CAD: variants seen among roughly 807,000 people sequenced by gnomAD.
CAD encodes carbamoyl-phosphate synthetase 2, aspartate transcarbamylase, and dihydroorotase, also known as multifunctional protein CAD.
A neutral mutation model predicts 237.2 loss-of-function variants in CAD; 81 were observed. The observed-to-expected ratio is 0.34, with a 90% CI of 0.29 to 0.41. The LOEUF is 0.41. CAD is among the 10% of genes least tolerant of loss of function. CAD has a pLI of 1.00. For synonymous variants in CAD, 1,196 were observed against 1,162.8 expected, an observed-to-expected ratio of 1.03 and a Z score of -0.58; for missense variants, 2,181 against 2,951.7, an observed-to-expected ratio of 0.74 and a Z score of 6.05.
At chr2:27,220,353 A>G (rs1675094792) in intron 2 of CAD, among the ~76,000 whole-genome samples, 1 of 152,128 alleles carries the variant, frequency 6.6e-6, no homozygotes, top group South Asian at 2.1e-4. Context: ...AGTTTTAGAT[A>G]AAGGAAGAAA....
chr2:27,229,862 G>A (rs1404420452), intron 15 of CAD, among the ~76,000 whole-genome samples: 1 of 139,818 alleles, frequency 7.2e-6, no homozygotes, highest in Non-Finnish European at 1.5e-5. Context: ...GCAACACAGT[G>A]AGACTACGTC....
At chr2:27,227,733 G>A (rs560720337) in intron 15 of CAD, among the ~76,000 whole-genome samples, 1 of 152,134 alleles carries the variant, frequency 6.6e-6, no homozygotes. Flanking sequence ...ACATTTAATT[G>A]TTTTACATCT....
chr2:27,236,350 C>T lies in CAD; in HGVS notation c.4141C>T (p.Leu1381=), dbSNP rs776983739. Residue 1381 remains leucine, a synonymous_variant, in exon 26 of 44, where the codon CTG becomes TTG. Coordinates refer to ENST00000264705, the MANE Select transcript of CAD (RefSeq NM_004341.5). The surrounding 1 kb of genome is among the most constrained non-coding windows in gnomAD (Gnocchi z 4.1). ...TGAGTGCCCACCACAGCGGAGCATC[C>T]TGGAGCAGCTAGCTGAGAAAAACTT... ...DGECPPQRSI[L]EQLAEKNFEL... is the part of the protein sequence containing the mutation. 4.3e-6 allele frequency: 7 copies of T among 1,614,232 alleles called. No individual in the cohort carries two copies. In the Middle Eastern group the frequency reaches 5.0e-4, roughly 114 times the overall value.
At chr2:27,223,096 C>G in intron 6 of CAD, 59 bp downstream of exon 6, 1 of 1,553,956 alleles carries the variant, frequency 6.4e-7, no homozygotes, top group Non-Finnish European at 8.8e-7. Flanking sequence ...TGGGGTGTCT[C>G]AGGAATGAGA....
chr2:27,241,282 G>C lies in CAD; in HGVS notation c.5809-40G>C. On this transcript the variant is annotated intron_variant, in intron 37 of 43. Coordinates refer to ENST00000264705, the MANE Select transcript of CAD (RefSeq NM_004341.5). This position sits in a 1 kb window ranked among gnomAD's most constrained non-coding sequence, Gnocchi z 4.6. ...CAGAGCTTTGAGGATTTGGAAAGCT[G>C]GGGCTAGGACCTTTCTAGCTAACTT... 1 of 1,613,838 alleles carries C rather than the reference G, an allele frequency of 6.2e-7. No homozygotes were observed. The highest frequency in any genetic ancestry group is 1.3e-5 in the African/African-American group (1 of 75,046).
At chr2:27,223,060 G>A (rs1270653800) in intron 6 of CAD, 23 bp downstream of exon 6, 1 of 1,613,124 alleles carries the variant, frequency 6.2e-7, no homozygotes, top group Admixed American at 1.7e-5. Flanking sequence ...GGGAGCAGAA[G>A]GGGCCCATAC....
Position 27,235,211 on chromosome 2 carries a change from C to T in CAD, c.3787-34C>T. 1 of 1,565,014 alleles carries T rather than the reference C, an allele frequency of 6.4e-7. No homozygotes were observed. Among genetic ancestry groups the T allele is most frequent in the Non-Finnish European group, 8.7e-7 (1 of 1,151,292 alleles). Reference sequence around the variant, plus strand: ...TGGTGAGGGAGGAGGTCCTCTCACACCTTGGCCCTCTCTCTTCCCTCCCGC... The same window carrying T: ...TGGTGAGGGAGGAGGTCCTCTCACATCTTGGCCCTCTCTCTTCCCTCCCGC... On this transcript the variant is annotated intron_variant, in intron 23 of 43. Transcript: ENST00000264705. The surrounding 1 kb of genome is among the most constrained non-coding windows in gnomAD (Gnocchi z 5.2).
Position 27,241,205 on chromosome 2 carries a change from T to C in CAD, c.5786T>C (p.Val1929Ala), listed in dbSNP as rs1358866457. ...TTAGTGGGCCAACATATCCTGTCCG[T>C]CCAGCAGTTCACCAAGGATCAGGTG... ...HSLVGQHILSVQQFTKDQMSH... is the reference protein window; with the variant it reads ...HSLVGQHILSAQQFTKDQMSH... The change falls in exon 37 of 44, where the codon GTC (valine) becomes GCC (alanine). Residue 1929 changes from valine to alanine, a missense_variant. Physicochemically the swap from Val to Ala is moderately conservative, Grantham distance 64. Transcript: ENST00000264705. The surrounding 1 kb of genome is among the most constrained non-coding windows in gnomAD (Gnocchi z 4.6). 6.2e-7 allele frequency: 1 copy of C among 1,612,584 alleles called. No homozygotes were observed. The highest frequency in any genetic ancestry group is 2.2e-5 in the East Asian group (1 of 44,860).
chr2:27,234,061 C>G lies in CAD; in HGVS notation c.3453C>G (p.Ile1151Met). Residue 1151 changes from isoleucine (I) to methionine (M), a missense_variant, in exon 22 of 44, where the codon ATC (isoleucine) becomes ATG (methionine). Ile to Met is a conservative substitution (Grantham distance 10, BLOSUM62 1). Coordinates refer to ENST00000264705, the MANE Select transcript of CAD (RefSeq NM_004341.5). ...ASDGVVAAIA[I>M]SEHVENAGVH... is the part of the protein sequence containing the mutation. ...ATGGTGTGGTGGCAGCCATCGCCAT[C>G]TCTGAGCATGTGGAGAATGCAGGTG... 6.2e-7 allele frequency: 1 copy of G among 1,614,168 alleles called. No homozygotes were observed. Among genetic ancestry groups the G allele is most frequent in the Non-Finnish European group, 8.5e-7 (1 of 1,180,028 alleles).
chr2:27,226,017 T>C, intron 12 of CAD, 91 bp downstream of exon 12: 1 of 1,492,300 alleles, frequency 6.7e-7, no homozygotes, highest in Non-Finnish European at 9.3e-7. Flanking sequence ...GAGAGTTGTA[T>C]GTCCCTCAGA....
In CAD at chr2:27,239,294, G is replaced by T; in HGVS notation, c.5254-37G>T. On this transcript the variant is annotated intron_variant, in intron 32 of 43. Transcript: ENST00000264705. This position sits in a 1 kb window ranked among gnomAD's most constrained non-coding sequence, Gnocchi z 4.0. ...CCAGCCCTAGGATATGTTCTCTGGG[G>T]ATCCTTTCCCTAGCATAACCCATGT... 1.2e-6 allele frequency: 2 copies of T among 1,604,552 alleles called. No homozygotes were observed.
chr2:27,232,414 TG>T lies in CAD; in HGVS notation c.2646-31del. The T allele has an allele frequency of 6.2e-7, 1 of 1,613,278 alleles. No homozygotes were observed. The highest frequency in any genetic ancestry group is 8.5e-7 in the Non-Finnish European group (1 of 1,179,710). On this transcript the variant is annotated intron_variant, in intron 17 of 43. Transcript: ENST00000264705. This position sits in a 1 kb window ranked among gnomAD's most constrained non-coding sequence, Gnocchi z 4.1. ...CTCTATCAGTCTGTACCCTACTCTC[TG>T]GGCCTGTGTTTCAGACCCTTTTTCT...
chr2:27,234,639 T>C lies in CAD; in HGVS notation c.3740T>C (p.Val1247Ala). Residue 1247 changes from valine (V) to alanine (A), a missense_variant, in exon 23 of 44, where the codon GTG becomes GCG. Physicochemically the swap from Val to Ala is moderately conservative, Grantham distance 64 (BLOSUM62 0). Coordinates refer to ENST00000264705, the MANE Select transcript of CAD (RefSeq NM_004341.5). ...LATRVIMGEE[V>A]EPVGLMTGSG... is the part of the protein sequence containing the mutation. Reference sequence around the variant, plus strand: ...ACGCGGGTCATCATGGGGGAAGAAGTGGAACCTGTGGGGCTAATGACTGGT... The same window carrying C: ...ACGCGGGTCATCATGGGGGAAGAAGCGGAACCTGTGGGGCTAATGACTGGT... The C allele has an allele frequency of 6.2e-7, 1 of 1,614,048 alleles. No individual in the cohort carries two copies. The highest frequency in any genetic ancestry group is 8.5e-7 in the Non-Finnish European group (1 of 1,179,984).
Position 27,222,815 on chromosome 2 carries a change from C to T in CAD, c.638-51C>T, listed in dbSNP as rs550582099. On this transcript the variant is annotated intron_variant, in intron 5 of 43. Coordinates refer to ENST00000264705, the MANE Select transcript of CAD (RefSeq NM_004341.5). ...TGGGCTGGGGGGGCTGCAGGTGTGT[C>T]TCCTGTAATTGAAATACTGATTTTG... The T allele has an allele frequency of 2.5e-6, 4 of 1,595,956 alleles. No homozygotes were observed. In the African/African-American group the frequency reaches 5.4e-5, roughly 21 times the overall value.
chr2:27,217,396 C>T lies in CAD; in HGVS notation c.-156C>T. 1.5e-6 allele frequency: 1 copy of T among 675,918 alleles called. No homozygotes were observed. Among genetic ancestry groups the T allele is most frequent in the Non-Finnish European group, 2.6e-6 (1 of 381,468 alleles). 41.9% of individuals were successfully genotyped at this position (675,918 alleles called of 1,614,324 possible). A position where few individuals can be genotyped will look rare whatever the true frequency, so the allele number is the denominator to read the frequency against. The stretch of plus-strand genomic sequence containing the variant: ...TCTCTGCTGCTGCCGCCAAGCGCGC[C>T]CGAGGCTCCTACGCTGCCGCGCCCG... On this transcript the variant is annotated 5_prime_UTR_variant, in exon 1 of 44. Coordinates refer to ENST00000264705, the MANE Select transcript of CAD (RefSeq NM_004341.5).
Position 27,240,598 on chromosome 2 carries a change from A to G in CAD, c.5593+237A>G. On this transcript the variant is annotated intron_variant, in intron 35 of 43. Coordinates refer to ENST00000264705, the MANE Select transcript of CAD (RefSeq NM_004341.5). The surrounding 1 kb of genome is among the most constrained non-coding windows in gnomAD (Gnocchi z 4.6). Reference sequence around the variant, plus strand: ...TCCTCCGCCCAGGAGCTGGGATCCCACGGGGCAGCAGAGCGTGGGGTAAAT... The same window carrying G: ...TCCTCCGCCCAGGAGCTGGGATCCCGCGGGGCAGCAGAGCGTGGGGTAAAT... The G allele has an allele frequency of 1.9e-6, 3 of 1,544,334 alleles. No homozygotes were observed. The highest frequency in any genetic ancestry group is 1.4e-5 in the African/African-American group (1 of 73,022).
At chr2:27,225,299 T>G (rs1473807443) in intron 11 of CAD, 56 bp downstream of exon 11, 2 of 970,872 alleles carry the variant, frequency 2.1e-6, no homozygotes, top group Non-Finnish European at 3.0e-6. Flanking sequence ...GGTAGTGTTA[T>G]TTTCTTTTTT....
intron 14 of CAD, 88 bp downstream of exon 14, chr2:27,226,737 T>C: frequency 1.2e-6 from 2 of 1,602,190 alleles, no homozygotes; most frequent in Non-Finnish European, 1.7e-6. Context: ...AAAAGGACAT[T>C]GGCCTGGATT....
chr2:27,222,210 G>A lies in CAD; in HGVS notation c.369G>A (p.Glu123=). The A allele has an allele frequency of 1.9e-6, 3 of 1,614,008 alleles. No homozygotes were observed. The highest frequency in any genetic ancestry group is 1.3e-5 in the African/African-American group (1 of 75,000). Residue 123 remains glutamate (E), a synonymous_variant, in exon 4 of 44, where the codon GAG becomes GAA. Coordinates refer to ENST00000264705, the MANE Select transcript of CAD (RefSeq NM_004341.5). ...TTTTGACAGGAGTAGACACTCGGGAGCTGACCAAGAAGTTGCGGGAACAGG... is the reference window on the plus strand; with the variant it reads ...TTTTGACAGGAGTAGACACTCGGGAACTGACCAAGAAGTTGCGGGAACAGG... The part of the protein sequence containing the change: ...IPGLQGVDTR[E]LTKKLREQGS...
Sources: gnomAD v4.1 joint callset for allele counts (sites outside exome capture counted in the v4.1 genomes callset) on GRCh38, gnomAD v4.1.1 for gene constraint, Gnocchi (gnomAD v3.1) non-coding constraint, MANE v1.5 for transcripts, NCBI Gene and HGNC (gene_info 2026-07-23, HGNC 2026-07-21) for gene names.